IFT140: variants seen among roughly 807,000 people sequenced by gnomAD.
IFT140 encodes the protein intraflagellar transport protein 140 homolog.
IFT140 carries 133 observed loss-of-function variants against 164.6 expected under a neutral mutation model. That is an observed-to-expected ratio of 0.81 (90% CI 0.70 to 0.93). The LOEUF is 0.93. IFT140 is among the 40% of genes least tolerant of loss of function. The pLI is 0.00. For synonymous variants in IFT140, 860 were observed against 817.3 expected, an observed-to-expected ratio of 1.05 and a Z score of -0.89; for missense variants, 2,045 against 1,972.3, an observed-to-expected ratio of 1.04 and a Z score of -0.70.
chr16:1,594,018 A>G (rs1037083864), intron 4 of IFT140, among the ~76,000 whole-genome samples: 2 of 152,150 alleles, frequency 1.3e-5, no homozygotes, highest in East Asian at 1.9e-4. Context: ...CTGTGTTTGC[A>G]TCAGGGTGGA....
intron 3 of IFT140, among the ~76,000 whole-genome samples, chr16:1,606,120 G>A (rs539602882): frequency 1.4e-4 from 21 of 152,330 alleles, no homozygotes; most frequent in Admixed American, 1.3e-3. Flanking sequence ...GGGCCCTGCT[G>A]ACACCTGATT....
chr16:1,567,004 T>C (rs192178011), intron 15 of IFT140, among the ~76,000 whole-genome samples: 1 of 152,170 alleles, frequency 6.6e-6, no homozygotes, highest in Non-Finnish European at 1.5e-5. Context: ...TGACCAGGTG[T>C]GGGACTGCCC....
intron 19 of IFT140, among the ~76,000 whole-genome samples, chr16:1,546,550 T>C (rs1406934807): frequency 6.6e-6 from 1 of 152,224 alleles, no homozygotes; most frequent in East Asian, 1.9e-4. Context: ...GAAGCCCTGC[T>C]GGGTAACATG....
At chr16:1,528,358 TGTGCACACACACGCATGCACGCAC>T (rs2029989635) in intron 19 of IFT140, among the ~76,000 whole-genome samples, 3 of 129,320 alleles carry the variant, frequency 2.3e-5, no homozygotes, top group African/African-American at 8.0e-5. Flanking sequence ...TGCACGCACG[TGTGCACACACACGCATGCACGCAC>T]GTGTGCACAC....
At chr16:1,559,019 G>A (rs1214706509) in intron 18 of IFT140, among the ~76,000 whole-genome samples, 1 of 152,222 alleles carries the variant, frequency 6.6e-6, no homozygotes, top group Non-Finnish European at 1.5e-5. Flanking sequence ...TTTGTCAGAC[G>A]CAGTTGTGAT....
chr16:1,579,510 G>C (rs186309735), intron 13 of IFT140: 1 of 152,206 alleles, frequency 6.6e-6, no homozygotes, highest in Non-Finnish European at 1.5e-5. Context: ...CAGACTTCTG[G>C]CTTCCAGAAC....
intron 18 of IFT140, 69 bp downstream of exon 18, chr16:1,561,916 G>A (rs200344713): frequency 6.9e-5 from 100 of 1,441,654 alleles, no homozygotes; most frequent in Middle Eastern, 4.7e-4. Flanking sequence ...TCCCTGGGAC[G>A]CTTGCAAGAG....
chr16:1,595,173 T>C (rs2035392951), intron 4 of IFT140, among the ~76,000 whole-genome samples: 1 of 152,104 alleles, frequency 6.6e-6, no homozygotes, highest in Non-Finnish European at 1.5e-5. Context: ...TAGTCCCAGC[T>C]ACTCGGGAGG....
At position 1,553,992 on chromosome 16, in the gene IFT140, C is replaced by G; in HGVS notation, c.2399+3943G>C. 7.8e-7 allele frequency: 1 copy of G among 1,287,234 alleles called. No individual in the cohort carries two copies. The highest frequency in any genetic ancestry group is 1.0e-6 in the Non-Finnish European group (1 of 988,690). The allele number at this position is 1,287,234 out of a possible 1,614,324, so 79.7% of individuals were successfully genotyped here. A position where few individuals can be genotyped will look rare whatever the true frequency, so the allele number is the denominator to read the frequency against. On this transcript the variant is annotated intron_variant, in intron 19 of 30. Transcript: ENST00000426508. The surrounding 1 kb of genome is among the most constrained non-coding windows in gnomAD (Gnocchi z 4.4). ...ACTAACTAGACGGGAACAAGCTGCG[C>G]CAACCAAGGGTTGCTCACGGCCCAC...
At position 1,583,893 on chromosome 16, in the gene IFT140, C is replaced by T. The variant is rs1250118096; in HGVS notation, c.1359+324G>A. Among the ~76,000 whole-genome samples the T allele has an allele frequency of 8.5e-5, 13 of 152,060 alleles. 1 individual carries two copies. The highest frequency in any genetic ancestry group is 8.5e-4 in the Admixed American group (13 of 15,276). On this transcript the variant is annotated intron_variant, in intron 11 of 30. Coordinates refer to ENST00000426508, the MANE Select transcript of IFT140 (RefSeq NM_014714.4). ...CCAGGTAGCTGGGATTACAGGCATA[C>T]ACCCCGACGCCTGGCTAATTTTTGT...
At chr16:1,556,213 C>G (rs1449328073) in intron 19 of IFT140, among the ~76,000 whole-genome samples, 1 of 152,246 alleles carries the variant, frequency 6.6e-6, no homozygotes, top group Non-Finnish European at 1.5e-5. Flanking sequence ...ACCCCGTGTC[C>G]TAAATCTGTT....
chr16:1,518,793 G>A (rs947534901), intron 29 of IFT140, among the ~76,000 whole-genome samples: 1 of 152,028 alleles, frequency 6.6e-6, no homozygotes, highest in African/African-American at 2.4e-5. Flanking sequence ...GACCTGGCGT[G>A]AGGGTCTGTG....
At position 1,599,881 on chromosome 16, in the gene IFT140, G is replaced by A. The variant is rs1224983496; in HGVS notation, c.369+2489C>T. Among the ~76,000 whole-genome samples the A allele has an allele frequency of 6.8e-5, 7 of 103,344 alleles. No individual in the cohort carries two copies. In the South Asian group the frequency reaches 2.1e-3, roughly 31 times the overall value. The allele number at this position is 103,344 out of a possible 152,430, so 67.8% of individuals were successfully genotyped here. On this transcript the variant is annotated intron_variant, in intron 4 of 30. Coordinates refer to ENST00000426508, the MANE Select transcript of IFT140 (RefSeq NM_014714.4). ...CCGCCCCGTCCGGGAGGTGAGGGGC[G>A]CCTCTGCCCGGCCGCCCCTACTGGG...
intron 19 of IFT140, 61 bp from the exon 20 acceptor site, chr16:1,526,857 C>A (rs112977910): frequency 6.0e-6 from 9 of 1,508,608 alleles, no homozygotes; most frequent in Non-Finnish European, 8.0e-6. Flanking sequence ...CCTGGCCCTA[C>A]GGCCCCTTCT....
chr16:1,556,856 C>G (rs1405289586), intron 19 of IFT140, among the ~76,000 whole-genome samples: 2 of 152,202 alleles, frequency 1.3e-5, no homozygotes, highest in Non-Finnish European at 2.9e-5. Context: ...GTCACCCAGG[C>G]TGGAGTGCAG....
chr16:1,519,847 C>T (rs1161538759), intron 29 of IFT140, 34 bp downstream of exon 29: 25 of 1,512,388 alleles, frequency 1.7e-5, no homozygotes, highest in Non-Finnish European at 2.2e-5. Context: ...GTCACATCTG[C>T]CCTGGCCTGT....
chr16:1,522,200 C>T (rs961064889), intron 26 of IFT140, among the ~76,000 whole-genome samples: 2 of 151,426 alleles, frequency 1.3e-5, no homozygotes, highest in African/African-American at 4.9e-5. Flanking sequence ...CTACTAAACA[C>T]AGAAAATTAA....
At chr16:1,535,188 G>A (rs2030940860) in intron 19 of IFT140, among the ~76,000 whole-genome samples, 1 of 152,188 alleles carries the variant, frequency 6.6e-6, no homozygotes, top group South Asian at 2.1e-4. Flanking sequence ...CCCCAGGGAT[G>A]AGCTTCAGAT....
chr16:1,607,855 A>C (rs2036152763), intron 2 of IFT140, among the ~76,000 whole-genome samples: 1 of 152,224 alleles, frequency 6.6e-6, no homozygotes, highest in Admixed American at 6.5e-5. Flanking sequence ...TATGTTGCCC[A>C]GGCTGGTCTT....
Sources: allele counts gnomAD v4.1 joint callset (sites outside exome capture counted in the v4.1 genomes callset), GRCh38; gene constraint gnomAD v4.1.1; non-coding constraint Gnocchi (gnomAD v3.1); transcripts MANE v1.5; gene names NCBI Gene and HGNC (gene_info 2026-07-23, HGNC 2026-07-21).